Variants in GLRA2 observed in about 807,000 individuals in gnomAD.
GLRA2 encodes the protein glycine receptor subunit alpha-2.
GLRA2 carries 11 observed loss-of-function variants against 31.6 expected under a neutral mutation model. The ratio of observed to expected loss-of-function variants is 0.35; its 90% confidence interval spans 0.22 to 0.58. GLRA2 has a LOEUF of 0.58. Ranked by LOEUF, GLRA2 falls within the 20% of genes least tolerant of loss-of-function variation. The pLI, the probability that GLRA2 is intolerant of heterozygous loss-of-function variation, is 0.84. For synonymous variants in GLRA2, 132 were observed against 134.0 expected (o/e 0.99, Z 0.10); for missense variants, 212 against 351.8 (o/e 0.60, Z 3.18).
At chrX:14,504,640 C>T in the GLRA2 span, among the ~76,000 whole-genome samples, 1 of 111,474 alleles carries the variant, frequency 9.0e-6, no homozygotes, top group Non-Finnish European at 1.9e-5. Flanking sequence ...CTTAATAAAA[C>T]CCTCTTTGAA....
chrX:14,511,495 C>T, the GLRA2 span, among the ~76,000 whole-genome samples: 1 of 111,801 alleles, frequency 8.9e-6, no homozygotes, highest in Admixed American at 9.5e-5. Context: ...CTTAGAATTA[C>T]TAAAGTTAGT....
chrX:14,511,003 G>A, the GLRA2 span, among the ~76,000 whole-genome samples: 14 of 110,536 alleles, frequency 1.3e-4, no homozygotes, highest in Non-Finnish European at 2.5e-4. Context: ...ATGTATACAT[G>A]TGCCATGCTG....
In GLRA2 at chrX:14,730,988, A is replaced by G. The variant is rs975956171; in HGVS notation, c.*503A>G. The G allele has an allele frequency of 9.0e-6, 1 of 111,613 alleles. No homozygotes were observed. The highest frequency in any genetic ancestry group is 3.4e-5 in the African/African-American group (1 of 29,629). The allele number at this position is 111,613 out of a possible 1,213,427, so 9.2% of individuals were successfully genotyped here. On this transcript the variant is annotated 3_prime_UTR_variant, in exon 9 of 9. Transcript: ENST00000218075. Reference sequence around the variant, plus strand: ...GCTTAACCATCTGACCATAGTGACTAGCCTATAGTGAGTCGAGGACCAAAC... The same window carrying G: ...GCTTAACCATCTGACCATAGTGACTGGCCTATAGTGAGTCGAGGACCAAAC...
At chrX:14,723,135 T>C (rs760330550) in intron 8 of GLRA2, among the ~76,000 whole-genome samples, 9 of 112,133 alleles carry the variant, frequency 8.0e-5, no homozygotes, top group Non-Finnish European at 1.7e-4. Flanking sequence ...AGACTGTCCA[T>C]TGCAATCAAT....
intron 2 of GLRA2, among the ~76,000 whole-genome samples, chrX:14,570,229 A>G (rs927128791): frequency 8.9e-6 from 1 of 112,185 alleles, no homozygotes; most frequent in African/African-American, 3.2e-5. Context: ...GTTTAAATAT[A>G]TATTTATATA....
intron 2 of GLRA2, among the ~76,000 whole-genome samples, chrX:14,556,230 T>C (rs1476193738): frequency 8.9e-6 from 1 of 111,877 alleles, no homozygotes; most frequent in Non-Finnish European, 1.9e-5. Flanking sequence ...AAAAATTCTA[T>C]TTCCAATTTG....
At chrX:14,565,530 C>A (rs1280988709) in intron 2 of GLRA2, among the ~76,000 whole-genome samples, 12 of 110,653 alleles carry the variant, frequency 1.1e-4, no homozygotes, top group Non-Finnish European at 2.3e-4. Context: ...CTGTTTGGTG[C>A]ATATGTGTTT....
At chrX:14,652,586 T>C (rs1399556803) in intron 7 of GLRA2, among the ~76,000 whole-genome samples, 4 of 111,660 alleles carry the variant, frequency 3.6e-5, no homozygotes, top group Non-Finnish European at 7.5e-5. Flanking sequence ...TTGTTATGTC[T>C]GTTATGGTGA....
chrX:14,464,616 G>A, the GLRA2 span, among the ~76,000 whole-genome samples: 5 of 111,857 alleles, frequency 4.5e-5, no homozygotes, highest in East Asian at 1.4e-3. Flanking sequence ...GAGTGCAGTG[G>A]TGCGATCTCG....
the GLRA2 span, among the ~76,000 whole-genome samples, chrX:14,472,434 A>G: frequency 1.4e-4 from 16 of 111,173 alleles, no homozygotes; most frequent in Admixed American, 8.7e-4. Context: ...AATGTGTGCC[A>G]TGGTGGTTGG....
rs185443998 is a variant in GLRA2 at position 14,722,705 on chromosome X, C to G, written c.1081-7502C>G. ...GAGGAGAAAGAAGTGGGAACTGCTT[C>G]TCTTCTCTTTGCCTTGCCAACATGC... On this transcript the variant is annotated intron_variant, in intron 8 of 8. Coordinates refer to ENST00000218075, the MANE Select transcript of GLRA2 (RefSeq NM_002063.4). Among the ~76,000 whole-genome samples the G allele has an allele frequency of 1.8e-4, 20 of 111,795 alleles. No homozygotes were observed. In the East Asian group the frequency reaches 2.0e-3, roughly 11 times the overall value.
At chrX:14,635,691 A>G (rs903458070) in intron 7 of GLRA2, among the ~76,000 whole-genome samples, 2 of 112,111 alleles carry the variant, frequency 1.8e-5, no homozygotes, top group Non-Finnish European at 3.8e-5. Context: ...TGAAAAATCA[A>G]GGAAATTTCT....
At chrX:14,507,686 A>ATTTTTTTTT in the GLRA2 span, among the ~76,000 whole-genome samples, 2 of 56,053 alleles carry the variant, frequency 3.6e-5, no homozygotes, top group Non-Finnish European at 7.9e-5. Flanking sequence ...TACGAAAGAC[A>ATTTTTTTTT]TTCTTTTTTT....
At chrX:14,615,051 G>C (rs11797272) in intron 7 of GLRA2, among the ~76,000 whole-genome samples, 1 of 111,005 alleles carries the variant, frequency 9.0e-6, no homozygotes, top group African/African-American at 3.3e-5. Flanking sequence ...TTAGTGTAAG[G>C]CTTTAGTAAA....
chrX:14,706,194 C>T (rs2091618452), intron 8 of GLRA2, among the ~76,000 whole-genome samples: 1 of 111,539 alleles, frequency 9.0e-6, no homozygotes, highest in African/African-American at 3.3e-5. Flanking sequence ...ATCTGTTGAC[C>T]AGCAGCATCA....
chrX:14,728,351 C>T (rs2091951213), intron 8 of GLRA2, among the ~76,000 whole-genome samples: 1 of 111,142 alleles, frequency 9.0e-6, no homozygotes, highest in Admixed American at 9.6e-5. Flanking sequence ...CGTGATCATG[C>T]CAGTTCACCC....
chrX:14,698,361 A>AT (rs1049225580), intron 8 of GLRA2, among the ~76,000 whole-genome samples: 9 of 109,647 alleles, frequency 8.2e-5, no homozygotes, highest in Admixed American at 1.9e-4. Context: ...GCCTGAGTTA[A>AT]TTTTTTTTTA....
At chrX:14,516,099 T>C in the GLRA2 span, among the ~76,000 whole-genome samples, 1 of 111,902 alleles carries the variant, frequency 8.9e-6, no homozygotes, top group Non-Finnish European at 1.9e-5. Flanking sequence ...GTTTTGAATA[T>C]GCATGTTTCC....
At chrX:14,605,166 GAAT>G (rs1188322007) in intron 5 of GLRA2, among the ~76,000 whole-genome samples, 1 of 111,718 alleles carries the variant, frequency 9.0e-6, no homozygotes, top group East Asian at 2.8e-4. Flanking sequence ...AAAATGCAGA[GAAT>G]AATAAGTGCC....
Sources: allele counts gnomAD v4.1 joint callset (sites outside exome capture counted in the v4.1 genomes callset), GRCh38; gene constraint gnomAD v4.1.1; transcripts MANE v1.5; gene names NCBI Gene and HGNC (gene_info 2026-07-23, HGNC 2026-07-21).